Variants in GPC6 observed in about 807,000 individuals in gnomAD.
GPC6 encodes the protein glypican 6.
Under a neutral mutation model 55.2 loss-of-function variants are expected in GPC6, and 14 were observed. The observed-to-expected ratio is 0.25, with a 90% CI of 0.17 to 0.40. The LOEUF is 0.40. Ranked by LOEUF, GPC6 falls within the 10% of genes least tolerant of loss-of-function variation. GPC6 has a pLI of 1.00. For missense variants in GPC6, 641 were observed against 708.5 expected, an observed-to-expected ratio of 0.90 and a Z score of 1.08; for synonymous variants, 278 against 259.6, an observed-to-expected ratio of 1.07 and a Z score of -0.68.
At chr13:93,798,918 C>CA (rs57665046) in intron 2 of GPC6, among the ~76,000 whole-genome samples, 6,864 of 86,100 alleles carry the variant, frequency 0.08, 309 homozygotes, top group Middle Eastern at 0.12. Context: ...GACTCTGTCT[C>CA]AAAAAAAAAA....
At chr13:93,416,840 A>G (rs73552630) in intron 1 of GPC6, among the ~76,000 whole-genome samples, 7,390 of 152,118 alleles carry the variant, frequency 0.049, 645 homozygotes, top group African/African-American at 0.17. Flanking sequence ...GGCTCCGAGG[A>G]GTTAAGTGAT....
intron 1 of GPC6, among the ~76,000 whole-genome samples, chr13:93,480,523 C>T (rs1204207222): frequency 6.6e-6 from 1 of 152,078 alleles, no homozygotes; most frequent in East Asian, 1.9e-4. Context: ...CAATAAAGCT[C>T]ACCATCTTGA....
chr13:93,387,454 C>G (rs1025778318), intron 1 of GPC6, among the ~76,000 whole-genome samples: 2 of 152,156 alleles, frequency 1.3e-5, no homozygotes, highest in African/African-American at 4.8e-5. Context: ...TGTTAGTTTG[C>G]TGAGAATGAT....
At chr13:93,219,723 G>C in the GPC6 span, among the ~76,000 whole-genome samples, 1 of 151,968 alleles carries the variant, frequency 6.6e-6, no homozygotes, top group Non-Finnish European at 1.5e-5. Context: ...ATTCAGATTG[G>C]TTTCAATTAT....
intron 1 of GPC6, among the ~76,000 whole-genome samples, chr13:93,493,611 T>A (rs1409451037): frequency 7.3e-6 from 1 of 137,916 alleles, no homozygotes; most frequent in African/African-American, 2.7e-5. Context: ...TTAATTGTGA[T>A]GTTAGGGTGT....
intron 6 of GPC6, among the ~76,000 whole-genome samples, chr13:94,330,312 G>C (rs1877345316): frequency 6.6e-6 from 1 of 152,206 alleles, no homozygotes; most frequent in African/African-American, 2.4e-5. Context: ...GTGACCTTGG[G>C]CGAGTCAGTT....
chr13:94,008,161 T>G (rs2140430784), intron 3 of GPC6, among the ~76,000 whole-genome samples: 1 of 152,302 alleles, frequency 6.6e-6, no homozygotes, highest in African/African-American at 2.4e-5. Flanking sequence ...CATACTCACA[T>G]GGTCACAATC....
At chr13:94,298,009 A>G in intron 5 of GPC6, among the ~76,000 whole-genome samples, 1 of 152,178 alleles carries the variant, frequency 6.6e-6, no homozygotes, top group East Asian at 1.9e-4. Context: ...TTTTGTTAGA[A>G]GGCAACCCGT....
chr13:94,260,564 G>C (rs1300099638), intron 4 of GPC6, among the ~76,000 whole-genome samples: 1 of 152,108 alleles, frequency 6.6e-6, no homozygotes, highest in Non-Finnish European at 1.5e-5. Context: ...TAATGGATTA[G>C]GGCCCATCCA....
At chr13:94,008,623 G>A (rs910560421) in intron 3 of GPC6, among the ~76,000 whole-genome samples, 1 of 152,136 alleles carries the variant, frequency 6.6e-6, no homozygotes, top group East Asian at 1.9e-4. Context: ...CTGTACTCCA[G>A]CCTGGGTGAC....
chr13:93,294,445 C>G (rs977107715), intron 1 of GPC6, among the ~76,000 whole-genome samples: 1 of 152,128 alleles, frequency 6.6e-6, no homozygotes, highest in Non-Finnish European at 1.5e-5. Flanking sequence ...CTATCCACCC[C>G]CATCCCCTGC....
chr13:93,805,554 G>T lies in GPC6; in HGVS notation c.320-24600G>T, dbSNP rs61962144. 2.5e-3 allele frequency among the ~76,000 whole-genome samples: 374 copies of T among 152,210 alleles called. 3 individuals carry two copies. Among genetic ancestry groups the T allele is most frequent in the Non-Finnish European group, 4.1e-3 (279 of 67,996 alleles). On this transcript the variant is annotated intron_variant, in intron 2 of 8. Coordinates refer to ENST00000377047, the MANE Select transcript of GPC6 (RefSeq NM_005708.5). The stretch of plus-strand genomic sequence containing the variant: ...ATCATATACTACATTTTAATAAGAG[G>T]TTACTACTTGAACTATGTAATGCAT...
chr13:93,374,985 G>A (rs959014407), intron 1 of GPC6, among the ~76,000 whole-genome samples: 9 of 152,032 alleles, frequency 5.9e-5, no homozygotes, highest in African/African-American at 1.9e-4. Flanking sequence ...GAGTACCATG[G>A]AGTCCAATTA....
At chr13:93,878,923 G>C (rs1874776481) in intron 3 of GPC6, among the ~76,000 whole-genome samples, 1 of 152,098 alleles carries the variant, frequency 6.6e-6, no homozygotes, top group Admixed American at 6.6e-5. Flanking sequence ...ATATTTAGAA[G>C]AGCAAGAATT....
At chr13:93,897,400 G>C (rs1361286252) in intron 3 of GPC6, among the ~76,000 whole-genome samples, 1 of 151,978 alleles carries the variant, frequency 6.6e-6, no homozygotes, top group Non-Finnish European at 1.5e-5. Flanking sequence ...CAGTTACCCT[G>C]ATTTGATTAT....
intron 3 of GPC6, among the ~76,000 whole-genome samples, chr13:93,943,084 C>T (rs572294475): frequency 3.3e-5 from 5 of 152,292 alleles, no homozygotes; most frequent in South Asian, 2.1e-4. Context: ...CTTTATTGCA[C>T]GTATCCTCAG....
chr13:93,800,081 G>T (rs532032932), intron 2 of GPC6, among the ~76,000 whole-genome samples: 5 of 152,042 alleles, frequency 3.3e-5, no homozygotes, highest in Admixed American at 1.3e-4. Flanking sequence ...GCTACATCAC[G>T]TAATATTGGC....
chr13:93,977,910 G>A (rs530901650), intron 3 of GPC6, among the ~76,000 whole-genome samples: 1 of 152,312 alleles, frequency 6.6e-6, no homozygotes, highest in African/African-American at 2.4e-5. Flanking sequence ...TAGTGAAATA[G>A]AAGGAAAGTA....
At chr13:94,049,248 C>CAA (rs776241623) in intron 4 of GPC6, among the ~76,000 whole-genome samples, 4,409 of 138,212 alleles carry the variant, frequency 0.032, 212 homozygotes, top group African/African-American at 0.1. Context: ...GATCTTATCT[C>CAA]AAAAAAAAAA....
Sources: gnomAD v4.1 joint callset for allele counts (sites outside exome capture counted in the v4.1 genomes callset) on GRCh38, gnomAD v4.1.1 for gene constraint, MANE v1.5 for transcripts, NCBI Gene and HGNC (gene_info 2026-07-23, HGNC 2026-07-21) for gene names.